Variants in CFL2 observed in about 807,000 individuals in gnomAD.
CFL2 encodes cofilin-2.
In CFL2, 10 loss-of-function variants were observed where a neutral mutation model predicts 19.6. The ratio of observed to expected loss-of-function variants is 0.51; its 90% CI spans 0.31 to 0.86. CFL2 has a LOEUF of 0.86. Ranked by LOEUF, CFL2 falls within the 40% of genes least tolerant of loss-of-function variation. CFL2 has a pLI of 0.04. For synonymous variants in CFL2, 63 were observed against 66.7 expected, an observed-to-expected ratio of 0.95 and a Z score of 0.27; for missense variants, 125 against 192.1, an observed-to-expected ratio of 0.65 and a Z score of 2.06.
In CFL2 at chr14:34,710,945, T is replaced by TTGC; in HGVS notation, c.*1917_*1919dup. 2.2e-6 allele frequency: 1 copy of TTGC among 454,110 alleles called. No individual in the cohort carries two copies. The highest frequency in any genetic ancestry group is 4.4e-6 in the Non-Finnish European group (1 of 226,794). The allele number at this position is 454,110 out of a possible 1,614,324, so 28.1% of individuals were successfully genotyped here. A position where few individuals can be genotyped will look rare whatever the true frequency, so the allele number is the denominator to read the frequency against. On this transcript the variant is annotated 3_prime_UTR_variant, in exon 4 of 4. Transcript: ENST00000298159. ...TAAGTATACGTCAGTATTCTCTGTTTTGCTTATCAGAGTTTGGCCTTACCA... is the reference window on the plus strand; with the variant it reads ...TAAGTATACGTCAGTATTCTCTGTTTTGCTGCTTATCAGAGTTTGGCCTTACCA...
rs1030162091 is a variant in CFL2, at chr14:34,709,905, T to A, written c.*2960A>T. 2 of 152,148 alleles carry A rather than the reference T, an allele frequency of 1.3e-5. No homozygotes were observed. The highest frequency in any genetic ancestry group is 4.8e-5 in the African/African-American group (2 of 41,390). 9.4% of individuals were successfully genotyped at this position (152,148 alleles called of 1,614,324 possible). On this transcript the variant is annotated 3_prime_UTR_variant, in exon 4 of 4. Transcript: ENST00000298159. ...GTTGTTTTGCATCTCCACCTACTAT[T>A]AAATGTGCAAGCAAAAACAGGACCT...
At position 34,714,415 on chromosome 14, in the gene CFL2, C is replaced by T. The variant is rs1000893755; in HGVS notation, c.3+123G>A. On this transcript the variant is annotated intron_variant, in intron 1 of 3. Coordinates refer to ENST00000298159, the MANE Select transcript of CFL2 (RefSeq NM_138638.5). ...CCGGTCGGCTGGAGAGCAGCGGAGC[C>T]GCAGAGCAGAAGCGCCCACCTTGGA... 15 of 1,405,678 alleles carry T rather than the reference C, an allele frequency of 1.1e-5. No individual in the cohort carries two copies. The African/African-American group carries it at 1.8e-4, about 17-fold the overall frequency. The allele number at this position is 1,405,678 out of a possible 1,614,324, so 87.1% of individuals were successfully genotyped here.
chr14:34,714,517 C>T (rs1885429852), intron 1 of CFL2, 21 bp downstream of exon 1: 1 of 1,576,194 alleles, frequency 6.3e-7, no homozygotes, highest in African/African-American at 1.4e-5. Context: ...CGCGGCCTCC[C>T]GGCCAGCGCG....
rs764862668 is a variant in CFL2, at chr14:34,712,619, T to A, written c.*246A>T. The A allele has an allele frequency of 4.5e-5, 28 of 626,230 alleles. No individual in the cohort carries two copies. Among genetic ancestry groups the A allele is most frequent in the Middle Eastern group, 8.6e-4 (2 of 2,330 alleles). 38.8% of individuals were successfully genotyped at this position (626,230 alleles called of 1,614,324 possible). ...TGCTGCAAGGGAGGCATATAACCAG[T>A]TGTTTTGGCTAAAATATGACAGGAA... On this transcript the variant is annotated 3_prime_UTR_variant, in exon 4 of 4. Transcript: ENST00000298159.
chr14:34,712,786 C>A lies in CFL2; in HGVS notation c.*79G>T. 2.3e-6 allele frequency: 2 copies of A among 872,800 alleles called. No individual in the cohort carries two copies. The highest frequency in any genetic ancestry group is 4.8e-5 in the East Asian group (2 of 41,358). 54.1% of individuals were successfully genotyped at this position (872,800 alleles called of 1,614,324 possible). A position where few individuals can be genotyped will look rare whatever the true frequency, so the allele number is the denominator to read the frequency against. The stretch of plus-strand genomic sequence containing the variant: ...GAAAGGGGGAAATACAACAAAAAAC[C>A]AAAACCTAATACTATTCCAATGGAC... On this transcript the variant is annotated 3_prime_UTR_variant, in exon 4 of 4. Transcript: ENST00000298159.
chr14:34,713,024 G>A, intron 3 of CFL2, 36 bp downstream of exon 3: 1 of 1,547,950 alleles, frequency 6.5e-7, no homozygotes, highest in Non-Finnish European at 8.8e-7. Flanking sequence ...AATTAATAAA[G>A]AATAATTTCT....
At position 34,712,899 on chromosome 14, in the gene CFL2, T is replaced by C. The variant is rs2138473058; in HGVS notation, c.467A>G (p.Asn156Ser). 6.2e-7 allele frequency: 1 copy of C among 1,604,588 alleles called. No individual in the cohort carries two copies. Among genetic ancestry groups the C allele is most frequent in the Non-Finnish European group, 8.5e-7 (1 of 1,171,296 alleles). ...RSTLGEKLGG[N>S]VVVSLEGKPL is the part of the protein sequence containing the mutation. ...TTTTCCTTCAAGTGAAACTACTACA[T>C]TGCCTCCCAATTTCTCTCCAAGTGT... Residue 156 changes from asparagine to serine, a missense_variant, in exon 4 of 4, where the codon AAT (asparagine) becomes AGT (serine). By Grantham distance (46) the Asn-to-Ser change is conservative (BLOSUM62 1). Transcript: ENST00000298159.
rs1566522435 is a variant in CFL2 at position 34,710,572 on chromosome 14, T to C, written c.*2293A>G. 2 of 433,396 alleles carry C rather than the reference T, an allele frequency of 4.6e-6. No homozygotes were observed. The highest frequency in any genetic ancestry group is 2.0e-5 in the African/African-American group (1 of 48,990). 26.8% of individuals were successfully genotyped at this position (433,396 alleles called of 1,614,324 possible). On this transcript the variant is annotated 3_prime_UTR_variant, in exon 4 of 4. Transcript: ENST00000298159. ...AGCTAACTGGAACATTGATTCATTA[T>C]AAATGATTGTAAAATAAAATGATCA... is the stretch of plus-strand genomic sequence containing the variant.
At position 34,712,883 on chromosome 14, in the gene CFL2, A is replaced by C; in HGVS notation, c.483T>G (p.Leu161=). The C allele has an allele frequency of 6.3e-7, 1 of 1,577,960 alleles. No individual in the cohort carries two copies. The highest frequency in any genetic ancestry group is 8.7e-7 in the Non-Finnish European group (1 of 1,147,126). The stretch of plus-strand genomic sequence containing the variant: ...TGTCATTTTATAATGGTTTTCCTTC[A>C]AGTGAAACTACTACATTGCCTCCCA... ...EKLGGNVVVS[L]EGKPL The change falls in exon 4 of 4, where the codon CTT becomes CTG. Residue 161 remains leucine (L), a synonymous_variant. Transcript: ENST00000298159.
Position 34,712,816 on chromosome 14 carries a change from C to G in CFL2, c.*49G>C. The G allele has an allele frequency of 9.7e-7, 1 of 1,033,008 alleles. No individual in the cohort carries two copies. Among genetic ancestry groups the G allele is most frequent in the South Asian group, 1.3e-5 (1 of 79,534 alleles). The allele number at this position is 1,033,008 out of a possible 1,614,324, so 64.0% of individuals were successfully genotyped here. On this transcript the variant is annotated 3_prime_UTR_variant, in exon 4 of 4. Coordinates refer to ENST00000298159, the MANE Select transcript of CFL2 (RefSeq NM_138638.5). Reference sequence around the variant, plus strand: ...CCTAATACTATTCCAATGGACTGAGCTGGAGAAATGGAAGCTCCTTAAGAT... The same window carrying G: ...CCTAATACTATTCCAATGGACTGAGGTGGAGAAATGGAAGCTCCTTAAGAT...
In CFL2 at chr14:34,711,137, A is replaced by G. The variant is rs894311157; in HGVS notation, c.*1728T>C. The G allele has an allele frequency of 4.4e-6, 2 of 452,540 alleles. No individual in the cohort carries two copies. Among genetic ancestry groups the G allele is most frequent in the African/African-American group, 2.0e-5 (1 of 49,828 alleles). 28.0% of individuals were successfully genotyped at this position (452,540 alleles called of 1,614,324 possible). ...TCTGAAAAATCTTTCAAAAATATGGAAAAAATCTAATTATACTAAAATTAC... is the reference window on the plus strand; with the variant it reads ...TCTGAAAAATCTTTCAAAAATATGGGAAAAATCTAATTATACTAAAATTAC... On this transcript the variant is annotated 3_prime_UTR_variant, in exon 4 of 4. Transcript: ENST00000298159.
In CFL2 at chr14:34,710,638, T is replaced by A. The variant is rs1348930521; in HGVS notation, c.*2227A>T. The A allele has an allele frequency of 2.3e-6, 1 of 437,888 alleles. No homozygotes were observed. Among genetic ancestry groups the A allele is most frequent in the Non-Finnish European group, 4.5e-6 (1 of 221,288 alleles). 27.1% of individuals were successfully genotyped at this position (437,888 alleles called of 1,614,324 possible). ...TAATCTCAAATAACAAGTGAACTAT[T>A]ATTAATTTTATCTCTTTTTTTGGCT... On this transcript the variant is annotated 3_prime_UTR_variant, in exon 4 of 4. Transcript: ENST00000298159.
In CFL2 at chr14:34,713,142, GAA is replaced by G. The variant is rs35515423; in HGVS notation, c.312-8_312-7del. 122 of 1,397,376 alleles carry G rather than the reference GAA, an allele frequency of 8.7e-5. No homozygotes were observed. The highest frequency in any genetic ancestry group is 5.7e-4 in the East Asian group (22 of 38,772). The allele number at this position is 1,397,376 out of a possible 1,614,324, so 86.6% of individuals were successfully genotyped here. A position where few individuals can be genotyped will look rare whatever the true frequency, so the allele number is the denominator to read the frequency against. ...AAGGTGCACTTTCAGGAGCCCTACA[GAA>G]AAAAAAAAAATTATTGAATCCCATT... is the stretch of plus-strand genomic sequence containing the variant. On this transcript the variant is annotated splice_region_variant and splice_polypyrimidine_tract_variant and intron_variant, in intron 2 of 3. Transcript: ENST00000298159.
In CFL2 at chr14:34,711,356, T is replaced by C. The variant is rs749182411; in HGVS notation, c.*1509A>G. 1.5e-5 allele frequency: 7 copies of C among 454,428 alleles called. No homozygotes were observed. 28.1% of individuals were successfully genotyped at this position (454,428 alleles called of 1,614,324 possible). On this transcript the variant is annotated 3_prime_UTR_variant, in exon 4 of 4. Coordinates refer to ENST00000298159, the MANE Select transcript of CFL2 (RefSeq NM_138638.5). The stretch of plus-strand genomic sequence containing the variant: ...TATGACAAGATACAAAAGCATGTGT[T>C]TGCCATAAATAGCCCTGGCTAACAG...
Position 34,714,558 on chromosome 14 carries a change from C to T in CFL2, c.-18G>A. ...CTTACCATAGTGCCCTCGGCTGTGG[C>T]TGCGGCGGCAGCTCGGGCTTCGGCT... On this transcript the variant is annotated 5_prime_UTR_variant, in exon 1 of 4. Coordinates refer to ENST00000298159, the MANE Select transcript of CFL2 (RefSeq NM_138638.5). The T allele has an allele frequency of 6.3e-7, 1 of 1,582,740 alleles. No individual in the cohort carries two copies. The highest frequency in any genetic ancestry group is 8.6e-7 in the Non-Finnish European group (1 of 1,167,830).
intron 1 of CFL2, 25 bp from the exon 2 acceptor site, chr14:34,713,586 T>C (rs749347212): frequency 1.2e-6 from 2 of 1,614,022 alleles, no homozygotes; most frequent in African/African-American, 1.3e-5. Flanking sequence ...AGAACAGTAA[T>C]TCAGAACACG....
Position 34,711,002 on chromosome 14 carries a change from G to C in CFL2, c.*1863C>G. The C allele has an allele frequency of 2.2e-6, 1 of 454,068 alleles. No individual in the cohort carries two copies. Among genetic ancestry groups the C allele is most frequent in the South Asian group, 1.6e-5 (1 of 64,476 alleles). The allele number at this position is 454,068 out of a possible 1,614,324, so 28.1% of individuals were successfully genotyped here. A position where few individuals can be genotyped will look rare whatever the true frequency, so the allele number is the denominator to read the frequency against. ...ATCGAAATGTCCAGGATAACTCACA[G>C]GGACAGCTGGAAGCCTGAAATAAAA... On this transcript the variant is annotated 3_prime_UTR_variant, in exon 4 of 4. Coordinates refer to ENST00000298159, the MANE Select transcript of CFL2 (RefSeq NM_138638.5).
rs369681050 is a variant in CFL2, at chr14:34,714,531, G to C, written c.3+7C>G. The C allele has an allele frequency of 1.4e-5, 22 of 1,586,308 alleles. No homozygotes were observed. The highest frequency in any genetic ancestry group is 1.8e-5 in the Non-Finnish European group (21 of 1,169,554). On this transcript the variant is annotated splice_region_variant and intron_variant, in intron 1 of 3. Transcript: ENST00000298159. ...CCGCGGCCTCCCGGCCAGCGCGCTC[G>C]TCTTACCATAGTGCCCTCGGCTGTG...
Position 34,709,643 on chromosome 14 carries a change from T to C in CFL2, c.*3222A>G, listed in dbSNP as rs936977527. On this transcript the variant is annotated 3_prime_UTR_variant, in exon 4 of 4. Coordinates refer to ENST00000298159, the MANE Select transcript of CFL2 (RefSeq NM_138638.5). ...GATACAAAAAAAAAAAAAAAAAAAA[T>C]TAGGCATGGTGGTGCATGCCTGTAG... 1 of 141,488 alleles carries C rather than the reference T, an allele frequency of 7.1e-6. No individual in the cohort carries two copies. The highest frequency in any genetic ancestry group is 1.5e-5 in the Non-Finnish European group (1 of 64,668). The allele number at this position is 141,488 out of a possible 1,614,324, so 8.8% of individuals were successfully genotyped here.
Sources: allele counts gnomAD v4.1 joint callset, GRCh38; gene constraint gnomAD v4.1.1; transcripts MANE v1.5; gene names NCBI Gene and HGNC (gene_info 2026-07-23, HGNC 2026-07-21).